PTBP3: variants seen among roughly 807,000 people sequenced by gnomAD.
PTBP3 encodes polypyrimidine tract-binding protein 3.
Under a neutral mutation model 58.7 loss-of-function variants are expected in PTBP3, and 20 were observed. That is an observed-to-expected ratio of 0.34 (90% CI 0.24 to 0.50). PTBP3 has a LOEUF of 0.50. Among genes scored for constraint, PTBP3 ranks in the 20% least tolerant of loss-of-function variants. The pLI is 0.98. For synonymous variants in PTBP3, 185 were observed against 219.8 expected (o/e 0.84, Z 1.40); for missense variants, 509 against 637.2 (o/e 0.80, Z 2.17).
intron 7 of PTBP3, among the ~76,000 whole-genome samples, chr9:112,237,734 A>C (rs998198504): frequency 6.6e-6 from 1 of 152,166 alleles, no homozygotes. Context: ...CACAGTGAGA[A>C]GTCAACAGGA....
In PTBP3 at chr9:112,223,764, C is replaced by A. The variant is rs1834881848; in HGVS notation, c.*87G>T. 6.5e-7 allele frequency: 1 copy of A among 1,546,386 alleles called. No individual in the cohort carries two copies. The highest frequency in any genetic ancestry group is 8.7e-7 in the Non-Finnish European group (1 of 1,146,954). ...CTCAGAGTTATTTTTGTGAAAGAGG[C>A]AAAATTGGTCTTGAGCTGCTTCAGT... is the stretch of plus-strand genomic sequence containing the variant. On this transcript the variant is annotated 3_prime_UTR_variant, in exon 14 of 14. Transcript: ENST00000374257.
At chr9:112,248,655 A>G (rs1371271358) in intron 7 of PTBP3, among the ~76,000 whole-genome samples, 1 of 152,184 alleles carries the variant, frequency 6.6e-6, no homozygotes, top group African/African-American at 2.4e-5. Context: ...TCAGTAGGAG[A>G]TGGCTTAAAA....
Position 112,232,151 on chromosome 9 carries a change from GC to G in PTBP3, c.967del (p.Ala323LeufsTer38). The G allele has an allele frequency of 6.2e-7, 1 of 1,613,476 alleles. No homozygotes were observed. The highest frequency in any genetic ancestry group is 8.5e-7 in the Non-Finnish European group (1 of 1,179,594). ...AACAGAATTTCCTGGTATACCACTA[GC>G]CCCAGGAATGGCCATCCTTCCAGTG... ...AVTGRMAIPGASGIPGNSVLL... is the reference protein window; with the variant it reads ...AVTGRMAIPGXSGIPGNSVLL... On this transcript the variant is annotated frameshift_variant, in exon 9 of 14. Coordinates refer to ENST00000374257, the MANE Select transcript of PTBP3 (RefSeq NM_001163788.4). LOFTEE classifies it high-confidence loss of function.
intron 1 of PTBP3, among the ~76,000 whole-genome samples, chr9:112,298,754 G>A (rs1469531526): frequency 6.6e-6 from 1 of 152,162 alleles, no homozygotes; most frequent in Non-Finnish European, 1.5e-5. Flanking sequence ...AAGTGTAGGT[G>A]CCACTTCTGT....
chr9:112,311,705 T>C (rs1374930753), intron 1 of PTBP3, among the ~76,000 whole-genome samples: 1 of 152,098 alleles, frequency 6.6e-6, no homozygotes, highest in Non-Finnish European at 1.5e-5. Flanking sequence ...TCCCAGCAAC[T>C]TGGGAGGATG....
At position 112,276,022 on chromosome 9, in the gene PTBP3, C is replaced by T. The variant is rs1827596066; in HGVS notation, c.35-9G>A. Reference sequence around the variant, plus strand: ...GCTGTCATTCCCATTAGCTAAAAAACATAAGATTCTTTTTTAAATTACTGC... The same window carrying T: ...GCTGTCATTCCCATTAGCTAAAAAATATAAGATTCTTTTTTAAATTACTGC... On this transcript the variant is annotated splice_polypyrimidine_tract_variant and intron_variant, in intron 2 of 13. Coordinates refer to ENST00000374257, the MANE Select transcript of PTBP3 (RefSeq NM_001163788.4). 6.2e-7 allele frequency: 1 copy of T among 1,605,704 alleles called. No homozygotes were observed. Among genetic ancestry groups the T allele is most frequent in the African/African-American group, 1.3e-5 (1 of 74,530 alleles).
chr9:112,305,669 G>A (rs576251118), intron 1 of PTBP3, among the ~76,000 whole-genome samples: 6 of 152,212 alleles, frequency 3.9e-5, no homozygotes, highest in East Asian at 1.9e-4. Context: ...AGCCGGGCAC[G>A]GTGGCTCACG....
the PTBP3 span, among the ~76,000 whole-genome samples, chr9:112,344,929 TCG>T: frequency 6.6e-6 from 1 of 152,052 alleles, no homozygotes; most frequent in African/African-American, 2.4e-5. Context: ...GGTCGGGAGT[TCG>T]AGACCAGCAT....
chr9:112,330,964 CTAAAA>C (rs1292121470), intron 1 of PTBP3, among the ~76,000 whole-genome samples: 1 of 152,102 alleles, frequency 6.6e-6, no homozygotes, highest in Admixed American at 6.6e-5. Context: ...TCTCTCAGAA[CTAAAA>C]TAAATACAAA....
intron 7 of PTBP3, among the ~76,000 whole-genome samples, chr9:112,248,356 T>C (rs1214984834): frequency 1.3e-5 from 2 of 151,328 alleles, no homozygotes; most frequent in Non-Finnish European, 3.0e-5. Flanking sequence ...AAAGGAGAAA[T>C]AAAACACAAA....
At chr9:112,310,095 A>G (rs1460875032) in intron 1 of PTBP3, among the ~76,000 whole-genome samples, 1 of 152,198 alleles carries the variant, frequency 6.6e-6, no homozygotes, top group Admixed American at 6.5e-5. Flanking sequence ...AATATTCTCT[A>G]AAGAATAGTT....
chr9:112,377,048 C>T, the PTBP3 span, among the ~76,000 whole-genome samples: 1 of 152,238 alleles, frequency 6.6e-6, no homozygotes, highest in Admixed American at 6.5e-5. Flanking sequence ...TGTTGTGTTA[C>T]TTCCCCATTG....
chr9:112,263,643 G>A (rs1455963050), intron 4 of PTBP3, among the ~76,000 whole-genome samples: 1 of 152,208 alleles, frequency 6.6e-6, no homozygotes, highest in African/African-American at 2.4e-5. Flanking sequence ...AAATGGAAAT[G>A]TGATTCTAAC....
At chr9:112,359,977 T>C in the PTBP3 span, among the ~76,000 whole-genome samples, 2 of 152,202 alleles carry the variant, frequency 1.3e-5, no homozygotes, top group East Asian at 1.9e-4. Context: ...AAGGGTAGTA[T>C]TAAAGAGGAA....
rs1834721179 is a variant in PTBP3, at chr9:112,219,141, A to G, written c.*4710T>C. The G allele has an allele frequency of 6.6e-6, 1 of 152,654 alleles. No homozygotes were observed. Among genetic ancestry groups the G allele is most frequent in the South Asian group, 2.1e-4 (1 of 4,832 alleles). The allele number at this position is 152,654 out of a possible 1,614,324, so 9.5% of individuals were successfully genotyped here. On this transcript the variant is annotated 3_prime_UTR_variant, in exon 14 of 14. Transcript: ENST00000374257. ...GCTTGGGGAAAATGCAAAATGCTTT[A>G]CAGAGAGGAGTTAAAACCACAACAG...
At position 112,297,820 on chromosome 9, in the gene PTBP3, A is replaced by AGC. The variant is rs34861385; in HGVS notation, c.34+11_34+12insGC. The stretch of plus-strand genomic sequence containing the variant: ...ACAGAAATCAAATATTAAAAAAAAA[A>AGC]AAAAAACTCACCATACACACCTGTA... On this transcript the variant is annotated intron_variant, in intron 2 of 13. Coordinates refer to ENST00000374257, the MANE Select transcript of PTBP3 (RefSeq NM_001163788.4). 6.8e-7 allele frequency: 1 copy of AGC among 1,468,240 alleles called. No homozygotes were observed. Among genetic ancestry groups the AGC allele is most frequent in the Non-Finnish European group, 9.2e-7 (1 of 1,092,154 alleles). 91.0% of individuals were successfully genotyped at this position (1,468,240 alleles called of 1,614,324 possible). A position where few individuals can be genotyped will look rare whatever the true frequency, so the allele number is the denominator to read the frequency against.
chr9:112,333,380 T>C, intron 1 of PTBP3, 90 bp downstream of exon 1: 1 of 1,382,342 alleles, frequency 7.2e-7, no homozygotes, highest in Non-Finnish European at 9.5e-7. Flanking sequence ...CGCCGCGCAC[T>C]GCTCCCCAGC....
intron 12 of PTBP3, 110 bp downstream of exon 12, chr9:112,227,301 G>T: frequency 8.9e-7 from 1 of 1,124,238 alleles, no homozygotes; most frequent in South Asian, 1.4e-5. Context: ...AGAAACTGTT[G>T]ACCAGGACAA....
intron 2 of PTBP3, among the ~76,000 whole-genome samples, chr9:112,289,207 C>T (rs1212877051): frequency 2.6e-5 from 4 of 151,998 alleles, no homozygotes; most frequent in East Asian, 1.9e-4. Context: ...TCTTTTTGTA[C>T]GAGCTCCAAT....
Sources: allele counts gnomAD v4.1 joint callset (sites outside exome capture counted in the v4.1 genomes callset), GRCh38; gene constraint gnomAD v4.1.1; transcripts MANE v1.5; gene names NCBI Gene and HGNC (gene_info 2026-07-23, HGNC 2026-07-21).